Variants in ZNF608 observed in about 807,000 individuals in gnomAD.
The protein encoded by ZNF608 is renal carcinoma antigen NY-REN-36.
A neutral mutation model predicts 109.0 loss-of-function variants in ZNF608; 12 were observed. The ratio of observed to expected loss-of-function variants is 0.11; its 90% CI spans 0.07 to 0.18. ZNF608 has a LOEUF of 0.18. ZNF608 is among the 10% of genes least tolerant of loss of function. ZNF608 has a pLI of 1.00. For synonymous variants in ZNF608, 732 were observed against 717.4 expected (o/e 1.02, Z -0.33); for missense variants, 1,707 against 1,879.3 (o/e 0.91, Z 1.70).
intron 3 of ZNF608, among the ~76,000 whole-genome samples, chr5:124,694,051 C>CT: frequency 7.6e-6 from 1 of 132,362 alleles, no homozygotes; most frequent in Non-Finnish European, 1.5e-5. Flanking sequence ...TCTCGGCTCA[C>CT]TGCAAGCTCT....
At chr5:124,692,767 CCTTT>C (rs1404283717) in intron 3 of ZNF608, among the ~76,000 whole-genome samples, 2 of 152,104 alleles carry the variant, frequency 1.3e-5, no homozygotes, top group African/African-American at 4.8e-5. Flanking sequence ...CAGATGAATC[CCTTT>C]CTAAGTCTCC....
At position 124,701,218 on chromosome 5, in the gene ZNF608, G is replaced by A; in HGVS notation, c.958C>T (p.Leu320Phe). 1 of 1,614,146 alleles carries A rather than the reference G, an allele frequency of 6.2e-7. No homozygotes were observed. The highest frequency in any genetic ancestry group is 1.1e-5 in the South Asian group (1 of 91,076). ...PAPPPPISSS[L>F]TPQILPSYFS... ...TAGGAGGGTAGAATCTGAGGCGTGA[G>A]ACTGCTGGAAATCGGCGGTGGTGGC... Residue 320 changes from leucine to phenylalanine, a missense_variant, in exon 3 of 10, where the codon CTC (leucine) becomes TTC (phenylalanine). Coordinates refer to ENST00000513986, the MANE Select transcript of ZNF608 (RefSeq NM_020747.3).
At chr5:124,727,653 A>C (rs1369776949) in intron 2 of ZNF608, among the ~76,000 whole-genome samples, 2 of 18,056 alleles carry the variant, frequency 1.1e-4, no homozygotes, top group African/African-American at 4.1e-4. Flanking sequence ...AAATCAGACC[A>C]AAAAAAAAAA....
chr5:124,709,917 T>G (rs1055553763), intron 2 of ZNF608, among the ~76,000 whole-genome samples: 2 of 152,262 alleles, frequency 1.3e-5, no homozygotes, highest in African/African-American at 4.8e-5. Flanking sequence ...AAAAGTTCCA[T>G]GCAAATTCCA....
At chr5:124,688,333 C>T (rs1014174377) in intron 3 of ZNF608, among the ~76,000 whole-genome samples, 58 of 152,040 alleles carry the variant, frequency 3.8e-4, no homozygotes, top group Admixed American at 3.3e-3. Context: ...ATCACTTGCC[C>T]GCTTGCTTCC....
intron 2 of ZNF608, chr5:124,710,085 T>C (rs1162114022): frequency 5.6e-6 from 2 of 356,946 alleles, no homozygotes; most frequent in African/African-American, 2.1e-5. Context: ...TCTTAGTTGA[T>C]ATTGGTCATT....
chr5:124,649,767 A>T lies in ZNF608; in HGVS notation c.1163-70T>A, dbSNP rs1750698549. On this transcript the variant is annotated intron_variant, in intron 3 of 9. Transcript: ENST00000513986. ...TACTGTTATTTCCAGTTCACTTATT[A>T]TTTTTTTCTCTTTTTTTTGCCAGCA... 1.1e-5 allele frequency: 11 copies of T among 1,010,514 alleles called. No homozygotes were observed. The South Asian group carries it at 1.6e-4, about 15-fold the overall frequency. 62.6% of individuals were successfully genotyped at this position (1,010,514 alleles called of 1,614,324 possible).
In ZNF608 at chr5:124,648,997, C is replaced by G. The variant is rs1280151996; in HGVS notation, c.1387G>C (p.Gly463Arg). Reference sequence around the variant, plus strand: ...CGCCTCCCTTTCCCATTGGCCCCCCCTCTGTTCTTATTCTGCAGCCCTCTG... The same window carrying G: ...CGCCTCCCTTTCCCATTGGCCCCCCGTCTGTTCTTATTCTGCAGCCCTCTG... Reference protein sequence around the residue: ...ESRGLQNKNRGGANGKGRRGS... With the variant: ...ESRGLQNKNRRGANGKGRRGS... The change falls in exon 5 of 10, where the codon GGG becomes CGG. Residue 463 changes from glycine (G) to arginine (R), a missense_variant. By Grantham distance (125) the Gly-to-Arg change is moderately radical. Coordinates refer to ENST00000513986, the MANE Select transcript of ZNF608 (RefSeq NM_020747.3). 6.2e-7 allele frequency: 1 copy of G among 1,614,204 alleles called. No individual in the cohort carries two copies. The highest frequency in any genetic ancestry group is 1.1e-5 in the South Asian group (1 of 91,090).
intron 2 of ZNF608, among the ~76,000 whole-genome samples, chr5:124,727,555 C>G (rs973669451): frequency 2.0e-5 from 3 of 148,904 alleles, no homozygotes; most frequent in African/African-American, 7.4e-5. Context: ...ATACTACTCT[C>G]AAGATGGTAT....
At chr5:124,667,904 AAG>A (rs1751546010) in intron 3 of ZNF608, among the ~76,000 whole-genome samples, 1 of 152,088 alleles carries the variant, frequency 6.6e-6, no homozygotes, top group Non-Finnish European at 1.5e-5. Context: ...CACCGGTGCA[AAG>A]AGAGTGAACA....
intron 2 of ZNF608, among the ~76,000 whole-genome samples, chr5:124,712,660 C>T (rs754495347): frequency 2.0e-5 from 3 of 152,134 alleles, no homozygotes; most frequent in Non-Finnish European, 4.4e-5. Flanking sequence ...CACGAGGAGA[C>T]AGTGCCCACC....
intron 3 of ZNF608, among the ~76,000 whole-genome samples, chr5:124,680,298 A>G (rs762474389): frequency 6.6e-6 from 1 of 152,142 alleles, no homozygotes; most frequent in Non-Finnish European, 1.5e-5. Flanking sequence ...CAACAAAGAA[A>G]TGTAAAGCTC....
rs776094759 is a variant in ZNF608 at position 124,701,117 on chromosome 5, A to G, written c.1059T>C (p.Asn353=). 31 of 1,614,156 alleles carry G rather than the reference A, an allele frequency of 1.9e-5. No homozygotes were observed. The highest frequency in any genetic ancestry group is 2.5e-5 in the Non-Finnish European group (30 of 1,180,016). The stretch of plus-strand genomic sequence containing the variant: ...CTGTCACTACTCCAACTTCACATGT[A>G]TTGACACCCACAGAACGAGTCCGAA... ...LLVRTRSVGV[N]TCEVGVVTEP... Residue 353 remains asparagine (N), a synonymous_variant, in exon 3 of 10, where the codon AAT becomes AAC. Coordinates refer to ENST00000513986, the MANE Select transcript of ZNF608 (RefSeq NM_020747.3).
intron 2 of ZNF608, chr5:124,710,634 C>T (rs139362722): frequency 6.5e-6 from 1 of 154,148 alleles, no homozygotes; most frequent in Non-Finnish European, 1.4e-5. Flanking sequence ...CAACATATGT[C>T]CAAGAAGCTT....
Position 124,671,129 on chromosome 5 carries a change from A to G in ZNF608, c.1163-21432T>C, listed in dbSNP as rs561166280. ...GTGAATGGAAAGCAAAAACATGAAT[A>G]CACATGCACTGTGGGCTTGAGGGAA... On this transcript the variant is annotated intron_variant, in intron 3 of 9. Transcript: ENST00000513986. Among the ~76,000 whole-genome samples the G allele has an allele frequency of 3.4e-4, 52 of 152,334 alleles. No homozygotes were observed. In the South Asian group the frequency reaches 0.01, roughly 30 times the overall value.
intron 3 of ZNF608, among the ~76,000 whole-genome samples, chr5:124,669,417 G>A (rs554173568): frequency 2.0e-5 from 3 of 152,234 alleles, no homozygotes; most frequent in South Asian, 2.1e-4. Context: ...GCCACCACAC[G>A]GCCTGCTCTC....
At chr5:124,705,127 C>T (rs114584604) in intron 2 of ZNF608, among the ~76,000 whole-genome samples, 2,810 of 152,216 alleles carry the variant, frequency 0.018, 90 homozygotes, top group African/African-American at 0.065. Context: ...TTGCCTTATA[C>T]AAAAGATCAA....
chr5:124,651,917 G>A (rs1274145033), intron 3 of ZNF608, among the ~76,000 whole-genome samples: 1 of 152,214 alleles, frequency 6.6e-6, no homozygotes, highest in Admixed American at 6.5e-5. Context: ...CGGTGCACGC[G>A]GGACACAGGC....
At chr5:124,722,128 C>T (rs1422032606) in intron 2 of ZNF608, among the ~76,000 whole-genome samples, 1 of 151,906 alleles carries the variant, frequency 6.6e-6, no homozygotes, top group Non-Finnish European at 1.5e-5. Context: ...ATCAGCAGGA[C>T]TTACTGGCTA....
Sources: gnomAD v4.1 joint callset for allele counts (sites outside exome capture counted in the v4.1 genomes callset) on GRCh38, gnomAD v4.1.1 for gene constraint, MANE v1.5 for transcripts, NCBI Gene and HGNC (gene_info 2026-07-23, HGNC 2026-07-21) for gene names.